The following OLFM3 variants were observed in gnomAD, a reference collection of about 807,000 sequenced individuals.
OLFM3 encodes the protein noelin-3.
OLFM3 carries 20 observed loss-of-function variants against 48.6 expected under a neutral mutation model. The ratio of observed to expected loss-of-function variants is 0.41; its 90% CI spans 0.29 to 0.60. The LOEUF (loss-of-function observed/expected upper bound fraction) is 0.60. OLFM3 is among the 20% of genes least tolerant of loss of function. The pLI is 0.28. For synonymous variants in OLFM3, 222 were observed against 198.1 expected, an observed-to-expected ratio of 1.12 and a Z score of -1.01; for missense variants, 437 against 544.3, an observed-to-expected ratio of 0.80 and a Z score of 1.96.
At chr1:101,834,508 T>C (rs1373065670) in intron 2 of OLFM3, among the ~76,000 whole-genome samples, 1 of 152,192 alleles carries the variant, frequency 6.6e-6, no homozygotes, top group Non-Finnish European at 1.5e-5. Context: ...TATGTGAAAC[T>C]ATAGAGAGAT....
At chr1:101,968,533 G>GAAAAAA (rs3082438) in intron 1 of OLFM3, among the ~76,000 whole-genome samples, 5 of 118,518 alleles carry the variant, frequency 4.2e-5, no homozygotes, top group East Asian at 2.9e-4. Context: ...TTTTTGTTCT[G>GAAAAAA]AAAAAAAAAA....
intron 1 of OLFM3, among the ~76,000 whole-genome samples, chr1:101,932,468 A>T (rs931559810): frequency 4.6e-5 from 7 of 152,148 alleles, no homozygotes; most frequent in African/African-American, 1.7e-4. Context: ...CACTGGGCTG[A>T]AGGGGGAGGA....
Position 101,804,170 on chromosome 1 carries a change from C to A in OLFM3, c.*68G>T. 4.2e-6 allele frequency: 5 copies of A among 1,197,722 alleles called. No homozygotes were observed. The highest frequency in any genetic ancestry group is 1.8e-5 in the South Asian group (1 of 56,064). The allele number at this position is 1,197,722 out of a possible 1,614,324, so 74.2% of individuals were successfully genotyped here. On this transcript the variant is annotated 3_prime_UTR_variant, in exon 6 of 6. Transcript: ENST00000370103. The surrounding 1 kb of genome is among the most constrained non-coding windows in gnomAD (Gnocchi z 4.5). ...TGAAAAATAATAGTGAAGAAAAAAA[C>A]GGAAGGGGTCTTATAGAGTTTATCA...
At chr1:101,948,225 G>A (rs1660017838) in intron 1 of OLFM3, among the ~76,000 whole-genome samples, 1 of 151,950 alleles carries the variant, frequency 6.6e-6, no homozygotes, top group Admixed American at 6.6e-5. Context: ...GTCCCTTATT[G>A]TCTGTGATAC....
At chr1:101,842,218 A>G (rs1655756465) in intron 1 of OLFM3, among the ~76,000 whole-genome samples, 1 of 152,168 alleles carries the variant, frequency 6.6e-6, no homozygotes, top group South Asian at 2.1e-4. Context: ...TAATAATAAT[A>G]ATGAATAAAA....
At chr1:101,849,751 A>C (rs12062147) in intron 1 of OLFM3, among the ~76,000 whole-genome samples, 16,756 of 152,254 alleles carry the variant, frequency 0.11, 1,014 homozygotes, top group Non-Finnish European at 0.13. Flanking sequence ...AACAATTGGC[A>C]GTCCTTAGTG....
In OLFM3 at chr1:101,870,954, GA is replaced by G. The variant is rs1161825988; in HGVS notation, c.70-33930del. Among the ~76,000 whole-genome samples, 18 of 146,788 alleles carry G rather than the reference GA, an allele frequency of 1.2e-4. No individual in the cohort carries two copies. In the South Asian group the frequency reaches 1.5e-3, roughly 12 times the overall value. ...GACTTTATAACTCTTTTTTTAAAAAGAAAAAAAAAGAAAAAAAGAAAAGATC... is the reference window on the plus strand; with the variant it reads ...GACTTTATAACTCTTTTTTTAAAAAGAAAAAAAAGAAAAAAAGAAAAGATC... On this transcript the variant is annotated intron_variant, in intron 1 of 5. Coordinates refer to ENST00000370103, the MANE Select transcript of OLFM3 (RefSeq NM_058170.4).
At chr1:101,808,033 A>G (rs75027444) in intron 4 of OLFM3, among the ~76,000 whole-genome samples, 2,683 of 151,950 alleles carry the variant, frequency 0.018, 40 homozygotes, top group Non-Finnish European at 0.025. Flanking sequence ...AATGTCCTAT[A>G]TACATTTTTT....
intron 2 of OLFM3, among the ~76,000 whole-genome samples, chr1:101,831,298 T>A (rs748643060): frequency 9.9e-5 from 15 of 152,130 alleles, no homozygotes; most frequent in Non-Finnish European, 2.2e-4. Context: ...TCTTAATGGG[T>A]CTAAAGTACT....
chr1:101,938,894 T>C (rs75427469), intron 1 of OLFM3, among the ~76,000 whole-genome samples: 2,464 of 152,284 alleles, frequency 0.016, 24 homozygotes, highest in African/African-American at 0.024. Context: ...ATGGTTTGTG[T>C]GTCTCTATCT....
intron 1 of OLFM3, among the ~76,000 whole-genome samples, chr1:101,847,465 G>T (rs115914068): frequency 6.6e-6 from 1 of 151,906 alleles, no homozygotes; most frequent in Non-Finnish European, 1.5e-5. Flanking sequence ...AGTGCTTTTA[G>T]GAAGAACATG....
chr1:101,978,558 A>T (rs1358480095), intron 1 of OLFM3, among the ~76,000 whole-genome samples: 2 of 152,168 alleles, frequency 1.3e-5, no homozygotes, highest in Non-Finnish European at 1.5e-5. Context: ...AATAAAGTGC[A>T]TTTAAAAAAT....
intron 1 of OLFM3, among the ~76,000 whole-genome samples, chr1:101,984,775 T>C (rs930006722): frequency 6.6e-5 from 10 of 152,232 alleles, no homozygotes; most frequent in African/African-American, 9.6e-5. Context: ...CTATGGTCTT[T>C]CTAATTTTCA....
chr1:101,992,432 A>T (rs1032597540), intron 1 of OLFM3, among the ~76,000 whole-genome samples: 2 of 151,878 alleles, frequency 1.3e-5, no homozygotes, highest in Non-Finnish European at 2.9e-5. Flanking sequence ...TGAACTCTTC[A>T]GTTTTTGCCA....
At chr1:101,926,987 C>A (rs1659292306) in intron 1 of OLFM3, among the ~76,000 whole-genome samples, 1 of 152,108 alleles carries the variant, frequency 6.6e-6, no homozygotes, top group Non-Finnish European at 1.5e-5. Context: ...TTTTCCTATC[C>A]ATAAATGAAT....
At chr1:101,985,956 A>G (rs933883538) in intron 1 of OLFM3, among the ~76,000 whole-genome samples, 3 of 150,112 alleles carry the variant, frequency 2.0e-5, no homozygotes, top group Admixed American at 1.3e-4. Flanking sequence ...TGAAAAAATG[A>G]TGAACTACAT....
At chr1:101,823,175 A>G (rs897635730) in intron 4 of OLFM3, among the ~76,000 whole-genome samples, 1 of 152,052 alleles carries the variant, frequency 6.6e-6, no homozygotes, top group Non-Finnish European at 1.5e-5. Flanking sequence ...AACATGATAG[A>G]CATTGTTCTT....
chr1:101,914,050 G>T (rs1403088610), intron 1 of OLFM3, among the ~76,000 whole-genome samples: 2 of 152,084 alleles, frequency 1.3e-5, no homozygotes, highest in Admixed American at 6.5e-5. Context: ...CTTTCATAAA[G>T]AATTTTAATT....
At chr1:101,994,391 T>C (rs1035880484) in intron 1 of OLFM3, among the ~76,000 whole-genome samples, 5 of 150,986 alleles carry the variant, frequency 3.3e-5, no homozygotes, top group Non-Finnish European at 7.4e-5. Flanking sequence ...TTTTTTGTAG[T>C]ACTATATTAT....
Sources: allele counts gnomAD v4.1 joint callset (sites outside exome capture counted in the v4.1 genomes callset), GRCh38; gene constraint gnomAD v4.1.1; non-coding constraint Gnocchi (gnomAD v3.1); transcripts MANE v1.5; gene names NCBI Gene and HGNC (gene_info 2026-07-23, HGNC 2026-07-21).